Variants in SLC8A1 observed in about 807,000 individuals in gnomAD.
The protein encoded by SLC8A1 is solute carrier family 8 member A1.
In SLC8A1, 18 loss-of-function variants were observed where a neutral mutation model predicts 68.3. The observed-to-expected ratio is 0.26, with a 90% CI of 0.18 to 0.39. The LOEUF (loss-of-function observed/expected upper bound fraction) is 0.39. Among genes scored for constraint, SLC8A1 ranks in the 10% least tolerant of loss-of-function variants. The probability of loss-of-function intolerance (pLI) is 1.00; values close to 1 mark genes in which losing one functional copy is unlikely to be tolerated. For missense variants in SLC8A1, 985 were observed against 1,156.7 expected, an observed-to-expected ratio of 0.85 and a Z score of 2.15; for synonymous variants, 475 against 415.5, an observed-to-expected ratio of 1.14 and a Z score of -1.74.
intron 2 of SLC8A1, among the ~76,000 whole-genome samples, chr2:40,216,626 A>G (rs2057526591): frequency 6.6e-6 from 1 of 152,194 alleles, no homozygotes; most frequent in African/African-American, 2.4e-5. Flanking sequence ...TCAACAGTGT[A>G]AATGCATTCC....
intron 2 of SLC8A1, among the ~76,000 whole-genome samples, chr2:40,347,126 T>A (rs1669612364): frequency 1.3e-5 from 2 of 152,198 alleles, no homozygotes; most frequent in African/African-American, 4.8e-5. Flanking sequence ...TTGGCTTTGC[T>A]ACATACTGGC....
At chr2:40,355,624 C>G (rs976330940) in intron 2 of SLC8A1, among the ~76,000 whole-genome samples, 3 of 152,030 alleles carry the variant, frequency 2.0e-5, no homozygotes, top group African/African-American at 4.8e-5. Flanking sequence ...ACACACTGAC[C>G]CATCTAGGGA....
At position 40,321,916 on chromosome 2, in the gene SLC8A1, T is replaced by C. The variant is rs75660709; in HGVS notation, c.1808+106557A>G. On this transcript the variant is annotated intron_variant, in intron 2 of 7. Coordinates refer to ENST00000406785, the Ensembl canonical transcript of SLC8A1. ...CACTCATTTAATCAATTCACAAGCA[T>C]TTATTAAACCTCTACTGTCTGATTC... Among the ~76,000 whole-genome samples the C allele has an allele frequency of 5.1e-4, 77 of 152,258 alleles. 1 individual carries two copies. The highest frequency in any genetic ancestry group is 1.6e-3 in the African/African-American group (67 of 41,576).
intron 1 of SLC8A1, among the ~76,000 whole-genome samples, chr2:40,479,184 CAT>C (rs1385315787): frequency 6.6e-6 from 1 of 152,184 alleles, no homozygotes; most frequent in Non-Finnish European, 1.5e-5. Flanking sequence ...AAACAGTTAA[CAT>C]ATTTTTGACT....
chr2:40,232,740 T>TCC (rs1390234993), intron 2 of SLC8A1, among the ~76,000 whole-genome samples: 7 of 49,782 alleles, frequency 1.4e-4, no homozygotes, highest in Non-Finnish European at 2.4e-4. Context: ...CCCAGTGCTA[T>TCC]CCCTCCCCCC....
Position 40,430,346 on chromosome 2 carries a change from T to A in SLC8A1, c.-24-42A>T, listed in dbSNP as rs1014498734. 2.0e-6 allele frequency: 3 copies of A among 1,520,682 alleles called. No homozygotes were observed. The African/African-American group carries it at 4.2e-5, about 21-fold the overall frequency. 94.2% of individuals were successfully genotyped at this position (1,520,682 alleles called of 1,614,324 possible). A position where few individuals can be genotyped will look rare whatever the true frequency, so the allele number is the denominator to read the frequency against. ...GGGGGAGAGGGCAGAAAAAAAGTCA[T>A]GTCATTAGAGCTGCAGCCAAAGCAT... On this transcript the variant is annotated intron_variant, in intron 1 of 7. Coordinates refer to ENST00000406785, the Ensembl canonical transcript of SLC8A1.
intron 1 of SLC8A1, among the ~76,000 whole-genome samples, chr2:40,486,856 A>C: frequency 7.1e-6 from 1 of 140,282 alleles, no homozygotes. Flanking sequence ...ATATCTCCTA[A>C]TGCTATCCCT....
chr2:40,147,504 C>T (rs1467192366), intron 6 of SLC8A1, among the ~76,000 whole-genome samples: 1 of 151,904 alleles, frequency 6.6e-6, no homozygotes, highest in Admixed American at 6.6e-5. Flanking sequence ...GTAGATACCT[C>T]CTGCTAGTGT....
At chr2:40,105,446 T>G (rs942150255) in exon 8 of SLC8A1, 12 of 152,242 alleles carry the variant, frequency 7.9e-5, no homozygotes, top group African/African-American at 2.9e-4. Context: ...GGCTTCAAGC[T>G]CTGAAGAAGT....
At chr2:40,428,385 A>G in intron 2 of SLC8A1, 88 bp downstream of exon 2, 1 of 1,416,214 alleles carries the variant, frequency 7.1e-7, no homozygotes, top group Non-Finnish European at 9.2e-7. Context: ...TTTAATTTAA[A>G]AAATGATGCA....
intron 2 of SLC8A1, among the ~76,000 whole-genome samples, chr2:40,192,382 A>G (rs2052045373): frequency 6.6e-6 from 1 of 152,056 alleles, no homozygotes; most frequent in Non-Finnish European, 1.5e-5. Flanking sequence ...TTACATTTAT[A>G]TAACTAAAGC....
exon 8 of SLC8A1, chr2:40,111,017 G>A (rs2034523869): frequency 6.6e-6 from 1 of 152,120 alleles, no homozygotes; most frequent in Admixed American, 6.6e-5. Context: ...AATGTGAGTG[G>A]TGAGCTTTCA....
intron 7 of SLC8A1, among the ~76,000 whole-genome samples, chr2:40,137,339 G>A (rs1233374063): frequency 6.6e-6 from 1 of 152,160 alleles, no homozygotes; most frequent in Admixed American, 6.5e-5. Context: ...AAATCCTTTT[G>A]AAAACAAGAG....
chr2:40,445,442 C>A (rs1481886536), intron 1 of SLC8A1, among the ~76,000 whole-genome samples: 1 of 151,848 alleles, frequency 6.6e-6, no homozygotes, highest in African/African-American at 2.4e-5. Flanking sequence ...GCTTTCTACA[C>A]AGGGAAAGAA....
intron 7 of SLC8A1, among the ~76,000 whole-genome samples, chr2:40,131,070 G>A (rs978990775): frequency 8.5e-5 from 13 of 152,192 alleles, no homozygotes; most frequent in Non-Finnish European, 1.3e-4. Context: ...TACTATATGC[G>A]AGGCTCTGTG....
At chr2:40,137,970 G>A (rs778505050) in intron 7 of SLC8A1, among the ~76,000 whole-genome samples, 24 of 152,046 alleles carry the variant, frequency 1.6e-4, no homozygotes, top group Non-Finnish European at 2.9e-4. Context: ...AATGAATGAA[G>A]TGTCCAGATT....
intron 2 of SLC8A1, among the ~76,000 whole-genome samples, chr2:40,352,173 G>C (rs991537199): frequency 6.6e-6 from 1 of 152,126 alleles, no homozygotes; most frequent in Non-Finnish European, 1.5e-5. Flanking sequence ...CGTTCATAGA[G>C]AAGGAACTTG....
chr2:40,473,649 G>C (rs1487949869), intron 1 of SLC8A1, among the ~76,000 whole-genome samples: 1 of 152,182 alleles, frequency 6.6e-6, no homozygotes, highest in African/African-American at 2.4e-5. Flanking sequence ...GAAATGGGTT[G>C]CCACACAGAG....
chr2:40,127,318 C>T (rs1391950456), intron 7 of SLC8A1, among the ~76,000 whole-genome samples: 1 of 152,146 alleles, frequency 6.6e-6, no homozygotes, highest in South Asian at 2.1e-4. Flanking sequence ...CCCCATTTCT[C>T]CCCAAAGCAC....
Sources: allele counts gnomAD v4.1 joint callset (sites outside exome capture counted in the v4.1 genomes callset), GRCh38; gene constraint gnomAD v4.1.1; transcripts MANE v1.5; gene names NCBI Gene and HGNC (gene_info 2026-07-23, HGNC 2026-07-21).